The following POU6F1 variants were observed in gnomAD, a reference collection of about 807,000 sequenced individuals.
POU6F1 encodes POU class 6 homeobox 1.
In POU6F1, 9 loss-of-function variants were observed where a neutral mutation model predicts 28.9. The ratio of observed to expected loss-of-function variants is 0.31; its 90% CI spans 0.19 to 0.54. The LOEUF (loss-of-function observed/expected upper bound fraction) is 0.54, where lower values mean the gene tolerates loss of function less well. Ranked by LOEUF, POU6F1 falls within the 20% of genes least tolerant of loss-of-function variation. The pLI is 0.94. For synonymous variants in POU6F1, 173 were observed against 171.1 expected (o/e 1.01, Z -0.09); for missense variants, 338 against 426.1 (o/e 0.79, Z 1.82).
chr12:51,199,771 T>C lies in POU6F1; in HGVS notation c.342A>G (p.Pro114=). The change falls in exon 4 of 11, where the codon CCA becomes CCG. Residue 114 remains proline (P), a synonymous_variant. Coordinates refer to ENST00000333640, the MANE Select transcript of POU6F1 (RefSeq NM_001330422.2). The surrounding 1 kb of genome is among the most constrained non-coding windows in gnomAD (Gnocchi z 4.1). ...CCTGGGGGGCAGCTTGTACAGCCAG[T>C]GGCGTCAGGGTCTGCGATGCCTGAG... ...SQPQASQTLT[P]LAVQAAPQVL... is the part of the protein sequence containing the mutation. 1 of 399,114 alleles carries C rather than the reference T, an allele frequency of 2.5e-6. No individual in the cohort carries two copies. Among genetic ancestry groups the C allele is most frequent in the East Asian group, 3.6e-5 (1 of 28,062 alleles). 24.7% of individuals were successfully genotyped at this position (399,114 alleles called of 1,614,324 possible).
chr12:51,192,801 A>T (rs1209603577), intron 8 of POU6F1, among the ~76,000 whole-genome samples: 1 of 152,042 alleles, frequency 6.6e-6, no homozygotes, highest in Non-Finnish European at 1.5e-5. Flanking sequence ...GCTACTCAGG[A>T]GACTGAAGCA....
At chr12:51,209,594 G>T (rs996891044) in intron 1 of POU6F1, among the ~76,000 whole-genome samples, 2 of 152,102 alleles carry the variant, frequency 1.3e-5, no homozygotes, top group African/African-American at 4.8e-5. Context: ...TATGACTATT[G>T]GGTATAATTT....
At chr12:51,212,913 C>T (rs1419991870) in intron 1 of POU6F1, among the ~76,000 whole-genome samples, 1 of 151,114 alleles carries the variant, frequency 6.6e-6, no homozygotes, top group Non-Finnish European at 1.5e-5. Flanking sequence ...ACAAGAGGGA[C>T]ACCTAACACC....
intron 2 of POU6F1, among the ~76,000 whole-genome samples, chr12:51,205,578 CT>C (rs1943539021): frequency 6.6e-6 from 1 of 152,246 alleles, no homozygotes; most frequent in Non-Finnish European, 1.5e-5. Context: ...AATTAAACAG[CT>C]TTGTGTCAGG....
rs1385591711 is a variant in POU6F1 at position 51,217,278 on chromosome 12, G to A, written c.-48+364C>T. 6.6e-6 allele frequency among the ~76,000 whole-genome samples: 1 copy of A among 152,184 alleles called. No individual in the cohort carries two copies. Among genetic ancestry groups the A allele is most frequent in the African/African-American group, 2.4e-5 (1 of 41,460 alleles). ...TTCTGTGTACAGAGCGTCCCCTGTG[G>A]TCCGCACCCCACAAGGGCTCCAGGG... On this transcript the variant is annotated intron_variant, in intron 1 of 10. Transcript: ENST00000333640. This position sits in a 1 kb window ranked among gnomAD's most constrained non-coding sequence, Gnocchi z 5.3.
chr12:51,204,232 G>A lies in POU6F1; in HGVS notation c.185C>T (p.Ala62Val). The change falls in exon 3 of 11, where the codon GCC becomes GTC. Residue 62 changes from alanine (A) to valine (V), a missense_variant. Ala to Val is a moderately conservative substitution (Grantham distance 64). Transcript: ENST00000333640. ...CCCAGCTTCACCAGCAGCTTGACTG[G>A]CTTCAGCAGGGTCTCCGCTCTGGGA... ...EGSQSGDPAE[A>V]SQAAGEAGPD... is the part of the protein sequence containing the mutation. The A allele has an allele frequency of 2.5e-6, 1 of 399,160 alleles. No individual in the cohort carries two copies. The highest frequency in any genetic ancestry group is 3.6e-5 in the East Asian group (1 of 28,074). 24.7% of individuals were successfully genotyped at this position (399,160 alleles called of 1,614,324 possible).
rs999787376 is a variant in POU6F1 at position 51,210,923 on chromosome 12, C to A, written c.-47-4040G>T. The stretch of plus-strand genomic sequence containing the variant: ...TCAACGTCTCTCTGACAAGTAGACA[C>A]TCAGCATTTTGACTCTGAGCTGTAC... On this transcript the variant is annotated intron_variant, in intron 1 of 10. Transcript: ENST00000333640. Among the ~76,000 whole-genome samples the A allele has an allele frequency of 2.0e-5, 3 of 152,344 alleles. No homozygotes were observed. In the East Asian group the frequency reaches 5.8e-4, roughly 29 times the overall value.
intron 1 of POU6F1, among the ~76,000 whole-genome samples, chr12:51,214,036 G>C (rs1389507266): frequency 6.6e-6 from 1 of 151,828 alleles, no homozygotes; most frequent in Admixed American, 6.6e-5. Context: ...TCAGTTACTT[G>C]GGTAGCTAAG....
At chr12:51,213,085 C>A (rs1207186886) in intron 1 of POU6F1, among the ~76,000 whole-genome samples, 3 of 152,060 alleles carry the variant, frequency 2.0e-5, no homozygotes, top group Non-Finnish European at 4.4e-5. Context: ...TACAGGTGCG[C>A]ATCACCGCAC....
At chr12:51,192,983 CACAGCA>C (rs1011200865) in intron 8 of POU6F1, among the ~76,000 whole-genome samples, 2 of 151,954 alleles carry the variant, frequency 1.3e-5, no homozygotes, top group Non-Finnish European at 2.9e-5. Flanking sequence ...ACTAAATAAG[CACAGCA>C]ACCTGCCCTA....
At position 51,190,286 on chromosome 12, in the gene POU6F1, G is replaced by A. The variant is rs1328122556; in HGVS notation, c.1797C>T (p.Leu599=). The A allele has an allele frequency of 6.2e-7, 1 of 1,614,222 alleles. No homozygotes were observed. ...AGACGTTCAGCTTGCTGGTGTTCTT[G>A]AGCGTCTGGCGCCGATTGCAGAACC... ...RVWFCNRRQT[L]KNTSKLNVFQ... The change falls in exon 11 of 11, where the codon CTC becomes CTT. Residue 599 remains leucine (L), a synonymous_variant. Transcript: ENST00000333640. This position sits in a 1 kb window ranked among gnomAD's most constrained non-coding sequence, Gnocchi z 4.5.
chr12:51,205,834 T>G (rs1272382650), intron 2 of POU6F1, among the ~76,000 whole-genome samples: 1 of 150,012 alleles, frequency 6.7e-6, no homozygotes, highest in African/African-American at 2.4e-5. Flanking sequence ...TTTTTTTTTT[T>G]TGTAGACAGA....
At chr12:51,191,575 G>A (rs772670549) in intron 10 of POU6F1, 21 bp downstream of exon 10, 45 of 1,610,278 alleles carry the variant, frequency 2.8e-5, no homozygotes, top group Non-Finnish European at 3.6e-5. Context: ...CCCTAATCCT[G>A]TCTAGGGCAG....
intron 3 of POU6F1, chr12:51,202,556 C>G (rs574255588): frequency 6.6e-6 from 1 of 152,280 alleles, no homozygotes; most frequent in South Asian, 2.1e-4. Context: ...ATTTCGAACT[C>G]CTGATCTCAG....
chr12:51,216,553 A>C (rs1253182873), intron 1 of POU6F1, among the ~76,000 whole-genome samples: 1 of 152,220 alleles, frequency 6.6e-6, no homozygotes, highest in East Asian at 1.9e-4. Context: ...GTTCTACAGC[A>C]GATAAGCGGA....
intron 9 of POU6F1, among the ~76,000 whole-genome samples, chr12:51,191,984 T>A (rs1398135756): frequency 1.3e-5 from 2 of 152,208 alleles, no homozygotes; most frequent in African/African-American, 4.8e-5. Flanking sequence ...TTCAAGTTCT[T>A]CCAGCTCTAA....
chr12:51,207,332 A>T (rs746434074), intron 1 of POU6F1: 1 of 152,252 alleles, frequency 6.6e-6, no homozygotes, highest in Non-Finnish European at 1.5e-5. Context: ...CCAAAAAAAA[A>T]AGATTATGTT....
At chr12:51,215,142 C>T (rs967361168) in intron 1 of POU6F1, among the ~76,000 whole-genome samples, 3 of 152,080 alleles carry the variant, frequency 2.0e-5, no homozygotes, top group Non-Finnish European at 2.9e-5. Flanking sequence ...TACGAGGTCA[C>T]GTCATAGCCA....
intron 9 of POU6F1, among the ~76,000 whole-genome samples, chr12:51,192,054 C>T (rs1442661901): frequency 6.6e-6 from 1 of 152,224 alleles, no homozygotes; most frequent in African/African-American, 2.4e-5. Flanking sequence ...TGGTCACCCA[C>T]ATTCCTCAAA....
Sources: allele counts gnomAD v4.1 joint callset (sites outside exome capture counted in the v4.1 genomes callset), GRCh38; gene constraint gnomAD v4.1.1; non-coding constraint Gnocchi (gnomAD v3.1); transcripts MANE v1.5; gene names NCBI Gene and HGNC (gene_info 2026-07-23, HGNC 2026-07-21).